NDC80: variants seen among roughly 807,000 people sequenced by gnomAD.
NDC80 encodes kinetochore protein NDC80 homolog.
Under a neutral mutation model 89.3 loss-of-function variants are expected in NDC80, and 69 were observed. The ratio of observed to expected loss-of-function variants is 0.77; its 90% CI spans 0.64 to 0.94. The LOEUF (loss-of-function observed/expected upper bound fraction) is 0.94. Among genes scored for constraint, NDC80 ranks in the 40% least tolerant of loss-of-function variants. The pLI is 0.00. For synonymous variants in NDC80, 243 were observed against 255.6 expected, an observed-to-expected ratio of 0.95 and a Z score of 0.47; for missense variants, 593 against 739.6, an observed-to-expected ratio of 0.80 and a Z score of 2.30.
At chr18:2,595,701 T>A in intron 11 of NDC80, 80 bp downstream of exon 11, 1 of 1,220,152 alleles carries the variant, frequency 8.2e-7, no homozygotes, top group South Asian at 1.4e-5. Flanking sequence ...AAGAAGTCAG[T>A]GGGTAGAGTA....
chr18:2,587,667 A>G (rs573896887), intron 7 of NDC80, among the ~76,000 whole-genome samples, 163 bp from the exon 8 acceptor site: 116 of 152,324 alleles, frequency 7.6e-4, no homozygotes, highest in African/African-American at 2.6e-3. Context: ...TCCATATAGC[A>G]TAATTATATA....
At position 2,595,751 on chromosome 18, in the gene NDC80, A is replaced by G. The variant is rs558671598; in HGVS notation, c.1221+130A>G. 6.5e-6 allele frequency: 4 copies of G among 620,104 alleles called. No individual in the cohort carries two copies. In the South Asian group the frequency reaches 8.9e-5, roughly 14 times the overall value. The allele number at this position is 620,104 out of a possible 1,614,324, so 38.4% of individuals were successfully genotyped here. A position where few individuals can be genotyped will look rare whatever the true frequency, so the allele number is the denominator to read the frequency against. On this transcript the variant is annotated intron_variant, in intron 11 of 16. Coordinates refer to ENST00000261597, the MANE Select transcript of NDC80 (RefSeq NM_006101.3). Reference sequence around the variant, plus strand: ...GTAAAACATTAGCATTGACATTTTAATGAAACACTCATCCCTTTATGTCAA... The same window carrying G: ...GTAAAACATTAGCATTGACATTTTAGTGAAACACTCATCCCTTTATGTCAA...
chr18:2,598,445 A>G (rs1214231309), intron 11 of NDC80, among the ~76,000 whole-genome samples: 1 of 152,216 alleles, frequency 6.6e-6, no homozygotes, highest in Non-Finnish European at 1.5e-5. Context: ...AATAAAACAA[A>G]ATAAGCATTT....
chr18:2,591,291 G>C (rs2072626362), intron 10 of NDC80, among the ~76,000 whole-genome samples: 1 of 152,132 alleles, frequency 6.6e-6, no homozygotes, highest in South Asian at 2.1e-4. Flanking sequence ...ACATGCAATT[G>C]CTTGATTCTT....
chr18:2,605,168 T>C (rs945943388), intron 13 of NDC80, among the ~76,000 whole-genome samples: 1 of 151,962 alleles, frequency 6.6e-6, no homozygotes, highest in Non-Finnish European at 1.5e-5. Context: ...AAAAGAGAAG[T>C]ATATAGAAGA....
At chr18:2,597,649 T>G (rs139414981) in intron 11 of NDC80, among the ~76,000 whole-genome samples, 109 of 152,136 alleles carry the variant, frequency 7.2e-4, no homozygotes, top group African/African-American at 2.6e-3. Flanking sequence ...GAGAATCGCT[T>G]GAACCCGGAG....
chr18:2,605,274 A>ATATGTG (rs2072704766), intron 13 of NDC80, among the ~76,000 whole-genome samples: 1 of 127,178 alleles, frequency 7.9e-6, no homozygotes, highest in African/African-American at 3.1e-5. Context: ...GGCTATATGT[A>ATATGTG]TGTGTGTGTG....
intron 14 of NDC80, 77 bp from the exon 15 acceptor site, chr18:2,608,623 A>G: frequency 3.6e-6 from 5 of 1,406,810 alleles, no homozygotes; most frequent in Non-Finnish European, 4.8e-6. Context: ...AGTGCTTTTT[A>G]TAATTGTTTT....
chr18:2,585,064 A>C, intron 6 of NDC80, 49 bp from the exon 7 acceptor site: 2 of 1,447,574 alleles, frequency 1.4e-6, no homozygotes. Context: ...AAAAAATGAA[A>C]GTTGTGTTTT....
Position 2,616,567 on chromosome 18 carries a change from A to G in NDC80, c.1922A>G (p.Glu641Gly). ...EKKATLIKSS[E>G]E ...AAAGCTACTCTAATTAAGTCTTCTGAAGAATGAAGATAAAATGTTGATCAT... is the reference window on the plus strand; with the variant it reads ...AAAGCTACTCTAATTAAGTCTTCTGGAGAATGAAGATAAAATGTTGATCAT... The change falls in exon 17 of 17, where the codon GAA becomes GGA. Residue 641 changes from glutamate (E) to glycine (G), a missense_variant. Transcript: ENST00000261597. 7.2e-7 allele frequency: 1 copy of G among 1,397,910 alleles called. No individual in the cohort carries two copies. Among genetic ancestry groups the G allele is most frequent in the Non-Finnish European group, 9.7e-7 (1 of 1,032,666 alleles). 86.6% of individuals were successfully genotyped at this position (1,397,910 alleles called of 1,614,324 possible).
At chr18:2,612,276 C>CT (rs55648444) in intron 16 of NDC80, among the ~76,000 whole-genome samples, 801 of 60,176 alleles carry the variant, frequency 0.013, 30 homozygotes, top group African/African-American at 0.019. Flanking sequence ...TCTTTTCTTT[C>CT]TTTTTTTTTT....
At chr18:2,607,967 A>ATG (rs2072722313) in intron 14 of NDC80, among the ~76,000 whole-genome samples, 1 of 81,166 alleles carries the variant, frequency 1.2e-5, no homozygotes, top group Non-Finnish European at 2.3e-5. Context: ...TATACATAGT[A>ATG]TATATATATA....
intron 14 of NDC80, 90 bp from the exon 15 acceptor site, chr18:2,608,610 T>G: frequency 1.5e-6 from 2 of 1,345,200 alleles, no homozygotes; most frequent in Non-Finnish European, 2.0e-6. Flanking sequence ...CTGATTTTAT[T>G]TAAGTGCTTT....
At chr18:2,583,385 A>G (rs1339585613) in intron 6 of NDC80, among the ~76,000 whole-genome samples, 1 of 152,162 alleles carries the variant, frequency 6.6e-6, no homozygotes, top group Non-Finnish European at 1.5e-5. Context: ...GTTCTGCCCT[A>G]CATGTCTTTC....
chr18:2,573,195 C>G (rs2072528122), intron 2 of NDC80, 109 bp downstream of exon 2: 1 of 852,936 alleles, frequency 1.2e-6, no homozygotes, highest in Non-Finnish European at 1.8e-6. Flanking sequence ...CTTGGTGAAT[C>G]TTGTCTGTTC....
At chr18:2,614,757 GC>G (rs567752338) in intron 16 of NDC80, among the ~76,000 whole-genome samples, 51 of 152,254 alleles carry the variant, frequency 3.3e-4, no homozygotes, top group African/African-American at 1.2e-3. Flanking sequence ...GTTGAATAGT[GC>G]CCCCCGCAAA....
chr18:2,572,945 G>GT lies in NDC80; in HGVS notation c.-9-24dup, dbSNP rs761567239. ...TTAATGTACCATCTCTGTCTGGAAA[G>GT]TTTTTTTTAAATACTGAATTCGTGA... On this transcript the variant is annotated intron_variant, in intron 1 of 16. Coordinates refer to ENST00000261597, the MANE Select transcript of NDC80 (RefSeq NM_006101.3). 2.9e-5 allele frequency: 45 copies of GT among 1,567,446 alleles called. 1 individual carries two copies. Among genetic ancestry groups the GT allele is most frequent in the East Asian group, 1.3e-4 (6 of 44,522 alleles).
In NDC80 at chr18:2,601,441, A is replaced by G. The variant is rs1201841950; in HGVS notation, c.1420A>G (p.Lys474Glu). 2 of 1,529,468 alleles carry G rather than the reference A, an allele frequency of 1.3e-6. No individual in the cohort carries two copies. The highest frequency in any genetic ancestry group is 1.8e-6 in the Non-Finnish European group (2 of 1,122,476). The allele number at this position is 1,529,468 out of a possible 1,614,324, so 94.7% of individuals were successfully genotyped here. Reference protein sequence around the residue: ...LLNETEEEINKALNKKMGLED... With the variant: ...LLNETEEEINEALNKKMGLED... ...GAATGAAACTGAAGAAGAAATTAAT[A>G]AAGCCCTAAATAAAAAAATGGGTTT... Residue 474 changes from lysine (K) to glutamate (E), a missense_variant, in exon 13 of 17, where the codon AAA (lysine) becomes GAA (glutamate). Transcript: ENST00000261597.
intron 9 of NDC80, 63 bp downstream of exon 9, chr18:2,589,373 A>G: frequency 8.9e-7 from 1 of 1,118,834 alleles, no homozygotes; most frequent in Non-Finnish European, 1.3e-6. Flanking sequence ...GTCCTTGGAT[A>G]TTAGCTGTCT....
Sources: allele counts gnomAD v4.1 joint callset (sites outside exome capture counted in the v4.1 genomes callset), GRCh38; gene constraint gnomAD v4.1.1; transcripts MANE v1.5; gene names NCBI Gene and HGNC (gene_info 2026-07-23, HGNC 2026-07-21).